The following GALNT3 variants were observed in gnomAD, a reference collection of about 807,000 sequenced individuals.
GALNT3 encodes polypeptide N-acetylgalactosaminyltransferase 3.
A neutral mutation model predicts 69.8 loss-of-function variants in GALNT3; 51 were observed. That is an observed-to-expected ratio of 0.73 (90% CI 0.58 to 0.92). GALNT3 has a LOEUF of 0.92. Ranked by LOEUF, GALNT3 falls within the 40% of genes least tolerant of loss-of-function variation. The pLI, the probability that GALNT3 is intolerant of heterozygous loss-of-function variation, is 0.00. For missense variants in GALNT3, 711 were observed against 760.0 expected, an observed-to-expected ratio of 0.94 and a Z score of 0.76; for synonymous variants, 265 against 248.5, an observed-to-expected ratio of 1.07 and a Z score of -0.63.
In GALNT3 at chr2:165,748,608, G is replaced by C. The variant is rs1688301224; in HGVS notation, c.*173C>G. 1.6e-6 allele frequency: 1 copy of C among 619,684 alleles called. No homozygotes were observed. The highest frequency in any genetic ancestry group is 2.8e-6 in the Non-Finnish European group (1 of 356,892). 38.4% of individuals were successfully genotyped at this position (619,684 alleles called of 1,614,324 possible). On this transcript the variant is annotated 3_prime_UTR_variant, in exon 11 of 11. Transcript: ENST00000392701. ...TTACTAGTTATTGTGCTTTGAAACA[G>C]AAACTTGCAGAATTTCTGTAGTAGT...
chr2:165,759,488 T>A lies in GALNT3; in HGVS notation c.921A>T (p.Ala307=). 6.2e-7 allele frequency: 1 copy of A among 1,614,092 alleles called. No homozygotes were observed. Residue 307 remains alanine, a synonymous_variant, in exon 5 of 11, where the codon GCA becomes GCT. Transcript: ENST00000392701. ...NYTAVVSPDI[A]SIDLNTFEFN... is the part of the protein sequence containing the mutation. Reference sequence around the variant, plus strand: ...ATTCAAACGTGTTCAGATCTATGGATGCAATATCTGGACTTACGACAGCCG... The same window carrying A: ...ATTCAAACGTGTTCAGATCTATGGAAGCAATATCTGGACTTACGACAGCCG...
intron 1 of GALNT3, among the ~76,000 whole-genome samples, chr2:165,776,299 C>A (rs1217069084): frequency 6.6e-6 from 1 of 152,152 alleles, no homozygotes; most frequent in Non-Finnish European, 1.5e-5. Flanking sequence ...CTACAGTCAA[C>A]TTCCAGTTGG....
chr2:165,791,452 C>T (rs1041404577), intron 1 of GALNT3, among the ~76,000 whole-genome samples: 19 of 152,068 alleles, frequency 1.2e-4, no homozygotes, highest in African/African-American at 4.6e-4. Flanking sequence ...TAATAAAGAA[C>T]ATACATGTTG....
At chr2:165,778,885 C>T (rs1050698699) in intron 1 of GALNT3, among the ~76,000 whole-genome samples, 4 of 151,370 alleles carry the variant, frequency 2.6e-5, no homozygotes, top group African/African-American at 9.7e-5. Flanking sequence ...CTGCCTGGGA[C>T]AAAGGTTGGG....
chr2:165,776,948 AG>A (rs1270559301), intron 1 of GALNT3, among the ~76,000 whole-genome samples: 1 of 152,234 alleles, frequency 6.6e-6, no homozygotes, highest in African/African-American at 2.4e-5. Flanking sequence ...TATCAAGGTA[AG>A]ATCCATCATG....
intron 4 of GALNT3, 73 bp downstream of exon 4, chr2:165,761,832 G>A (rs765655342): frequency 4.6e-6 from 7 of 1,527,036 alleles, no homozygotes; most frequent in Non-Finnish European, 6.4e-6. Context: ...GAAAAGAAAA[G>A]ACTTCCTTAC....
At chr2:165,773,797 T>TA (rs80285814) in intron 1 of GALNT3, among the ~76,000 whole-genome samples, 16,912 of 134,564 alleles carry the variant, frequency 0.13, 1,554 homozygotes, top group African/African-American at 0.28. Context: ...GGAGGGGTGG[T>TA]AAAAAAAAAA....
chr2:165,776,922 A>C (rs1308274073), intron 1 of GALNT3, among the ~76,000 whole-genome samples: 2 of 152,174 alleles, frequency 1.3e-5, no homozygotes, highest in African/African-American at 4.8e-5. Flanking sequence ...TTTAAACACA[A>C]ATTGAGAAGG....
rs182941196 is a variant in GALNT3, at chr2:165,772,869, C to T, written c.-108-2061G>A. 2.8e-3 allele frequency among the ~76,000 whole-genome samples: 429 copies of T among 152,250 alleles called. 5 individuals are homozygous for T. The highest frequency in any genetic ancestry group is 9.7e-3 in the African/African-American group (404 of 41,550). ...AGATCAGTTCATAAAAACCCTTGTG[C>T]ATCTTTCAGTGAATTTGGAAATTAC... On this transcript the variant is annotated intron_variant, in intron 1 of 10. Coordinates refer to ENST00000392701, the MANE Select transcript of GALNT3 (RefSeq NM_004482.4).
intron 1 of GALNT3, chr2:165,771,577 C>T (rs1352228041): frequency 6.6e-6 from 1 of 151,862 alleles, no homozygotes; most frequent in Non-Finnish European, 1.5e-5. Context: ...TGCAATTGAC[C>T]CTAAGAACAG....
chr2:165,762,421 G>T (rs1430165548), intron 3 of GALNT3, among the ~76,000 whole-genome samples: 1 of 152,158 alleles, frequency 6.6e-6, no homozygotes, highest in African/African-American at 2.4e-5. Flanking sequence ...ATGGAATTTG[G>T]CCAAAAAGAT....
At chr2:165,791,046 C>T (rs1391307807) in intron 1 of GALNT3, among the ~76,000 whole-genome samples, 2 of 151,980 alleles carry the variant, frequency 1.3e-5, no homozygotes, top group Non-Finnish European at 2.9e-5. Flanking sequence ...TCTAGTTTTT[C>T]CTGTTCCCAA....
chr2:165,749,925 A>G, intron 9 of GALNT3, 31 bp from the exon 10 acceptor site: 1 of 1,610,142 alleles, frequency 6.2e-7, no homozygotes, highest in Non-Finnish European at 8.5e-7. Context: ...TTACTGACAA[A>G]AGCAACCCAT....
chr2:165,769,997 C>T (rs944890951), intron 2 of GALNT3, 189 bp downstream of exon 2: 8 of 688,334 alleles, frequency 1.2e-5, no homozygotes, highest in Non-Finnish European at 2.0e-5. Context: ...CACTGCCTCA[C>T]CAAGCATAAA....
intron 1 of GALNT3, among the ~76,000 whole-genome samples, chr2:165,778,755 C>T (rs1216577041): frequency 1.3e-5 from 2 of 152,186 alleles, no homozygotes; most frequent in African/African-American, 2.4e-5. Flanking sequence ...AACCCTAGAA[C>T]TAGCTAGGTG....
chr2:165,750,394 A>G (rs1414208028), intron 9 of GALNT3, among the ~76,000 whole-genome samples: 1 of 152,210 alleles, frequency 6.6e-6, no homozygotes, highest in Non-Finnish European at 1.5e-5. Context: ...TAATACATTT[A>G]GAACAATGAC....
intron 9 of GALNT3, among the ~76,000 whole-genome samples, chr2:165,751,935 G>A (rs1189799997): frequency 6.6e-6 from 1 of 152,050 alleles, no homozygotes; most frequent in East Asian, 1.9e-4. Context: ...AGGAAATAAA[G>A]CAAAATAAAA....
At chr2:165,790,572 C>T (rs1683325193) in intron 1 of GALNT3, among the ~76,000 whole-genome samples, 1 of 151,988 alleles carries the variant, frequency 6.6e-6, no homozygotes, top group African/African-American at 2.4e-5. Context: ...GAACTGAATA[C>T]ATGTGAAGAT....
At chr2:165,779,932 A>G (rs1192782028) in intron 1 of GALNT3, among the ~76,000 whole-genome samples, 1 of 152,182 alleles carries the variant, frequency 6.6e-6, no homozygotes, top group Non-Finnish European at 1.5e-5. Flanking sequence ...GGGCAAATCC[A>G]TATGTAGAAT....
Sources: gnomAD v4.1 joint callset for allele counts (sites outside exome capture counted in the v4.1 genomes callset) on GRCh38, gnomAD v4.1.1 for gene constraint, MANE v1.5 for transcripts, NCBI Gene and HGNC (gene_info 2026-07-23, HGNC 2026-07-21) for gene names.